The following TMEM178B variants were observed in gnomAD, a reference collection of about 807,000 sequenced individuals.
TMEM178B encodes transmembrane protein 178B.
TMEM178B carries 5 observed loss-of-function variants against 31.0 expected under a neutral mutation model. The ratio of observed to expected loss-of-function variants is 0.16; its 90% confidence interval spans 0.08 to 0.34. The LOEUF (loss-of-function observed/expected upper bound fraction) is 0.34. Among genes scored for constraint, TMEM178B ranks in the 10% least tolerant of loss-of-function variants. The pLI is 1.00. For missense variants in TMEM178B, 275 were observed against 400.3 expected, an observed-to-expected ratio of 0.69 and a Z score of 2.67; for synonymous variants, 164 against 164.0, an observed-to-expected ratio of 1.00 and a Z score of 0.00.
At chr7:141,099,343 T>C (rs1309779160) in intron 1 of TMEM178B, among the ~76,000 whole-genome samples, 7 of 152,222 alleles carry the variant, frequency 4.6e-5, no homozygotes, top group Non-Finnish European at 8.8e-5. Flanking sequence ...AAATTTAAAC[T>C]ATTAGGTAAG....
chr7:141,214,571 G>A (rs1175277030), intron 2 of TMEM178B, among the ~76,000 whole-genome samples: 1 of 152,176 alleles, frequency 6.6e-6, no homozygotes, highest in East Asian at 1.9e-4. Context: ...TACTCTTCAG[G>A]GAAACCTGGT....
chr7:141,074,135 C>T lies in TMEM178B; in HGVS notation c.-176C>T. ...CAGAACTTTTTAGGCCGCCCGCCCCCATCCCCGCAGTCCCCGGGCCGTGCT... is the reference window on the plus strand; with the variant it reads ...CAGAACTTTTTAGGCCGCCCGCCCCTATCCCCGCAGTCCCCGGGCCGTGCT... On this transcript the variant is annotated 5_prime_UTR_variant, in exon 1 of 4. Transcript: ENST00000565468. This position sits in a 1 kb window ranked among gnomAD's most constrained non-coding sequence, Gnocchi z 5.1. 1 of 918,680 alleles carries T rather than the reference C, an allele frequency of 1.1e-6. No homozygotes were observed. Among genetic ancestry groups the T allele is most frequent in the Non-Finnish European group, 1.5e-6 (1 of 669,014 alleles). 56.9% of individuals were successfully genotyped at this position (918,680 alleles called of 1,614,324 possible).
At chr7:141,080,761 A>C (rs948600381) in intron 1 of TMEM178B, among the ~76,000 whole-genome samples, 1 of 152,262 alleles carries the variant, frequency 6.6e-6, no homozygotes, top group Non-Finnish European at 1.5e-5. Flanking sequence ...AAATGCAGTC[A>C]TGTGCCCTGT....
intron 2 of TMEM178B, among the ~76,000 whole-genome samples, chr7:141,304,666 T>G (rs929840948): frequency 6.6e-6 from 1 of 152,094 alleles, no homozygotes; most frequent in African/African-American, 2.4e-5. Flanking sequence ...GCCCTTGGAG[T>G]TGCTGCATCA....
chr7:141,243,776 A>T (rs1797681767), intron 2 of TMEM178B, among the ~76,000 whole-genome samples: 1 of 152,178 alleles, frequency 6.6e-6, no homozygotes, highest in South Asian at 2.1e-4. Flanking sequence ...CATTTGTATT[A>T]TTAAAAGTTA....
At chr7:141,244,975 T>C (rs765786481) in intron 2 of TMEM178B, among the ~76,000 whole-genome samples, 2 of 151,160 alleles carry the variant, frequency 1.3e-5, no homozygotes, top group Non-Finnish European at 1.5e-5. Context: ...CCATCTCTAC[T>C]AAAAATACAA....
At chr7:141,289,859 G>C (rs1798516567) in intron 2 of TMEM178B, among the ~76,000 whole-genome samples, 1 of 152,030 alleles carries the variant, frequency 6.6e-6, no homozygotes, top group Admixed American at 6.6e-5. Flanking sequence ...AGTTGGCCAG[G>C]CATGGTAGCT....
At chr7:141,383,250 G>A (rs1800360126) in intron 2 of TMEM178B, among the ~76,000 whole-genome samples, 1 of 151,398 alleles carries the variant, frequency 6.6e-6, no homozygotes. Flanking sequence ...TTAAGTTCTA[G>A]GGTACATGTG....
At chr7:141,412,776 C>A (rs1801019781) in intron 2 of TMEM178B, among the ~76,000 whole-genome samples, 1 of 152,098 alleles carries the variant, frequency 6.6e-6, no homozygotes, top group South Asian at 2.1e-4. Flanking sequence ...TATGTGTGAG[C>A]CCCTCAACTC....
rs939757282 is a variant in TMEM178B at position 141,470,812 on chromosome 7, A to G, written c.*26A>G. 8.0e-6 allele frequency: 8 copies of G among 1,003,312 alleles called. No individual in the cohort carries two copies. Among genetic ancestry groups the G allele is most frequent in the African/African-American group, 5.2e-5 (3 of 58,166 alleles). The allele number at this position is 1,003,312 out of a possible 1,614,324, so 62.2% of individuals were successfully genotyped here. On this transcript the variant is annotated 3_prime_UTR_variant, in exon 4 of 4. Coordinates refer to ENST00000565468, the MANE Select transcript of TMEM178B (RefSeq NM_001195278.2). ...AAAACAAACCCATACATACATATAT[A>G]TATATAAATATATATATATAATATA...
rs530307608 is a variant in TMEM178B at position 141,230,622 on chromosome 7, TC to T, written c.496+17920del. On this transcript the variant is annotated intron_variant, in intron 2 of 3. Coordinates refer to ENST00000565468, the MANE Select transcript of TMEM178B (RefSeq NM_001195278.2). The stretch of plus-strand genomic sequence containing the variant: ...CACTTTCCCCCTTATTTAATCTTTT[TC>T]CACTCTTTAAAAAATTTATTTTTTA... 4.0e-4 allele frequency among the ~76,000 whole-genome samples: 61 copies of T among 152,252 alleles called. No individual in the cohort carries two copies. The South Asian group carries it at 0.012, about 31-fold the overall frequency.
At chr7:141,149,787 C>T (rs964631905) in intron 1 of TMEM178B, among the ~76,000 whole-genome samples, 12 of 152,208 alleles carry the variant, frequency 7.9e-5, no homozygotes, top group East Asian at 1.9e-4. Flanking sequence ...GGAAGGGTTC[C>T]GCCCTGCGGG....
At position 141,414,465 on chromosome 7, in the gene TMEM178B, A is replaced by T. The variant is rs1801061684; in HGVS notation, c.497-23143A>T. On this transcript the variant is annotated intron_variant, in intron 2 of 3. Coordinates refer to ENST00000565468, the MANE Select transcript of TMEM178B (RefSeq NM_001195278.2). Reference sequence around the variant, plus strand: ...TCTATAACCATATACCAATTGTTGGAATAGTTTAGGTCGTTTTCAGTCTTC... The same window carrying T: ...TCTATAACCATATACCAATTGTTGGTATAGTTTAGGTCGTTTTCAGTCTTC... 2 of 152,522 alleles carry T rather than the reference A, an allele frequency of 1.3e-5. 1 individual carries two copies. Among genetic ancestry groups the T allele is most frequent in the African/African-American group, 4.8e-5 (2 of 41,430 alleles). The allele number at this position is 152,522 out of a possible 1,614,324, so 9.4% of individuals were successfully genotyped here. A position where few individuals can be genotyped will look rare whatever the true frequency, so the allele number is the denominator to read the frequency against.
chr7:141,180,445 CAG>C (rs1375842707), intron 1 of TMEM178B, among the ~76,000 whole-genome samples: 2 of 110,560 alleles, frequency 1.8e-5, no homozygotes, highest in Non-Finnish European at 3.3e-5. Flanking sequence ...CTGAGAGAGA[CAG>C]AGAGAGAGCC....
intron 1 of TMEM178B, among the ~76,000 whole-genome samples, chr7:141,148,571 G>A (rs149383299): frequency 5.8e-4 from 88 of 152,332 alleles, no homozygotes; most frequent in Admixed American, 4.4e-3. Context: ...TGTCAAATGC[G>A]ATAGGTTCTG....
intron 2 of TMEM178B, among the ~76,000 whole-genome samples, chr7:141,372,362 G>T (rs1198597924): frequency 6.6e-6 from 1 of 152,088 alleles, no homozygotes; most frequent in Non-Finnish European, 1.5e-5. Flanking sequence ...CATCATGCAG[G>T]CCAGGTGCGC....
At chr7:141,112,423 T>A (rs1004085246) in intron 1 of TMEM178B, among the ~76,000 whole-genome samples, 1 of 152,110 alleles carries the variant, frequency 6.6e-6, no homozygotes, top group African/African-American at 2.4e-5. Context: ...CTGGCTAATT[T>A]TTGTATTTTT....
intron 1 of TMEM178B, among the ~76,000 whole-genome samples, chr7:141,161,364 C>T (rs900833913): frequency 5.9e-5 from 9 of 152,004 alleles, no homozygotes; most frequent in Admixed American, 2.0e-4. Flanking sequence ...AAAGGCTCGA[C>T]GGGAAGGCTC....
At chr7:141,493,578 C>T in the TMEM178B span, among the ~76,000 whole-genome samples, 1 of 152,174 alleles carries the variant, frequency 6.6e-6, no homozygotes, top group Non-Finnish European at 1.5e-5. Flanking sequence ...CACCAAACCA[C>T]AAGGAGAACT....
Sources: allele counts gnomAD v4.1 joint callset (sites outside exome capture counted in the v4.1 genomes callset), GRCh38; gene constraint gnomAD v4.1.1; non-coding constraint Gnocchi (gnomAD v3.1); transcripts MANE v1.5; gene names NCBI Gene and HGNC (gene_info 2026-07-23, HGNC 2026-07-21).